Variants in RBFOX1 observed in about 807,000 individuals in gnomAD.
The protein encoded by RBFOX1 is RNA binding fox-1 homolog 1, also known as RNA binding protein fox-1 homolog 1.
Under a neutral mutation model 57.7 loss-of-function variants are expected in RBFOX1, and 8 were observed. The observed-to-expected ratio is 0.14, with a 90% CI of 0.08 to 0.25. The LOEUF is 0.25. RBFOX1 is among the 10% of genes least tolerant of loss of function. The probability of loss-of-function intolerance (pLI) is 1.00; values close to 1 mark genes in which losing one functional copy is unlikely to be tolerated. For synonymous variants in RBFOX1, 326 were observed against 222.4 expected (o/e 1.47, Z -4.15); for missense variants, 611 against 548.5 (o/e 1.11, Z -1.14).
At chr16:7,350,920 A>T (rs377352001) in intron 4 of RBFOX1, among the ~76,000 whole-genome samples, 2 of 152,188 alleles carry the variant, frequency 1.3e-5, no homozygotes, top group East Asian at 3.9e-4. Context: ...AATGCATCCA[A>T]AGGGGTTACA....
At chr16:6,490,430 T>A (rs1399033277) in intron 2 of RBFOX1, among the ~76,000 whole-genome samples, 1 of 152,174 alleles carries the variant, frequency 6.6e-6, no homozygotes, top group Non-Finnish European at 1.5e-5. Flanking sequence ...ATGTCTCACA[T>A]CTCGAATACA....
Position 6,909,046 on chromosome 16 carries a change from A to G in RBFOX1, c.-15-143011A>G, listed in dbSNP as rs548637896. ...AGGTTCTTATTGTTGCTATAACTAA[A>G]TGATCACCAATTTAGGTGTAATTTA... is the stretch of plus-strand genomic sequence containing the variant. On this transcript the variant is annotated intron_variant, in intron 3 of 15. Transcript: ENST00000550418. 5.9e-5 allele frequency among the ~76,000 whole-genome samples: 9 copies of G among 152,292 alleles called. No homozygotes were observed. In the Middle Eastern group the frequency reaches 0.017, roughly 288 times the overall value.
chr16:7,059,158 G>C (rs117235507), intron 4 of RBFOX1, among the ~76,000 whole-genome samples: 1,902 of 152,254 alleles, frequency 0.012, 18 homozygotes, highest in Middle Eastern at 0.024. Flanking sequence ...CAACTGCCTT[G>C]CAATTGAGCT....
intron 4 of RBFOX1, among the ~76,000 whole-genome samples, chr16:7,414,537 C>A (rs79867404): frequency 0.11 from 17,430 of 152,184 alleles, 1,324 homozygotes; most frequent in East Asian, 0.3. Flanking sequence ...GTGTGACTTT[C>A]CAACCAATAT....
chr16:6,296,181 T>A (rs981601073), intron 1 of RBFOX1, among the ~76,000 whole-genome samples: 1 of 152,174 alleles, frequency 6.6e-6, no homozygotes, highest in African/African-American at 2.4e-5. Context: ...TCCATGGATT[T>A]AGTCACTCAC....
chr16:7,189,091 A>G (rs2084661795), intron 4 of RBFOX1, among the ~76,000 whole-genome samples: 1 of 152,062 alleles, frequency 6.6e-6, no homozygotes, highest in Non-Finnish European at 1.5e-5. Context: ...CCTCATAGGA[A>G]GACCTACACT....
intron 3 of RBFOX1, among the ~76,000 whole-genome samples, chr16:5,707,086 A>T (rs905879672): frequency 3.3e-5 from 5 of 152,020 alleles, no homozygotes; most frequent in African/African-American, 1.2e-4. Context: ...CATGAGAAAC[A>T]CCCAGCCAGC....
intron 4 of RBFOX1, among the ~76,000 whole-genome samples, chr16:7,456,684 C>T (rs1236086397): frequency 1.3e-5 from 2 of 152,230 alleles, no homozygotes; most frequent in East Asian, 1.9e-4. Flanking sequence ...AACGGTCTTC[C>T]TGGGATGTTC....
At chr16:5,945,616 T>G (rs1002674108) in intron 4 of RBFOX1, among the ~76,000 whole-genome samples, 2 of 150,670 alleles carry the variant, frequency 1.3e-5, no homozygotes, top group African/African-American at 5.0e-5. Context: ...ACTCCTAGGT[T>G]CACAGAGCCA....
intron 1 of RBFOX1, among the ~76,000 whole-genome samples, chr16:5,322,642 C>T (rs572695709): frequency 1.3e-5 from 2 of 152,150 alleles, no homozygotes; most frequent in Non-Finnish European, 2.9e-5. Context: ...CCCCAGTCTT[C>T]CCCATCCTTC....
chr16:5,895,081 G>C (rs768642750), intron 4 of RBFOX1, among the ~76,000 whole-genome samples: 1 of 136,502 alleles, frequency 7.3e-6, no homozygotes, highest in Non-Finnish European at 1.5e-5. Context: ...TGAACTCTGA[G>C]AGAGAGTGAA....
chr16:5,905,350 A>G (rs1327063546), intron 4 of RBFOX1, among the ~76,000 whole-genome samples: 1 of 151,844 alleles, frequency 6.6e-6, no homozygotes, highest in Non-Finnish European at 1.5e-5. Context: ...GCTGTGACGG[A>G]CCTAACTGGT....
intron 2 of RBFOX1, among the ~76,000 whole-genome samples, chr16:6,507,507 CAAAA>C (rs57685233): frequency 2.1e-5 from 2 of 97,184 alleles, no homozygotes; most frequent in East Asian, 3.3e-4. Context: ...CCTATCTGTA[CAAAA>C]AAAAAAAAAA....
intron 2 of RBFOX1, among the ~76,000 whole-genome samples, chr16:5,507,654 G>A (rs2043424162): frequency 6.6e-6 from 1 of 152,216 alleles, no homozygotes; most frequent in African/African-American, 2.4e-5. Flanking sequence ...CAGTTAAGAT[G>A]AGGTCATACT....
chr16:7,004,038 C>A (rs890952328), intron 3 of RBFOX1: 3 of 149,954 alleles, frequency 2.0e-5, no homozygotes, highest in Non-Finnish European at 4.4e-5. Flanking sequence ...AATTTGCGTG[C>A]CATCTTTGCA....
At chr16:7,693,951 G>C (rs1349268821) in intron 14 of RBFOX1, among the ~76,000 whole-genome samples, 4 of 152,144 alleles carry the variant, frequency 2.6e-5, no homozygotes, top group South Asian at 2.1e-4. Flanking sequence ...CAGGTCTTTT[G>C]GTTTTGAAAC....
intron 3 of RBFOX1, among the ~76,000 whole-genome samples, chr16:6,782,956 C>A (rs1473238002): frequency 6.6e-6 from 1 of 152,148 alleles, no homozygotes; most frequent in East Asian, 1.9e-4. Context: ...TATCCTGTTG[C>A]TGAGTTGACT....
chr16:5,772,088 C>G (rs2053998202), intron 3 of RBFOX1, among the ~76,000 whole-genome samples: 1 of 152,130 alleles, frequency 6.6e-6, no homozygotes, highest in South Asian at 2.1e-4. Flanking sequence ...AGGAGAATCA[C>G]TTGAACCTGG....
chr16:5,589,419 A>T (rs1225647251), intron 2 of RBFOX1, among the ~76,000 whole-genome samples: 1 of 152,122 alleles, frequency 6.6e-6, no homozygotes, highest in Non-Finnish European at 1.5e-5. Context: ...CTCACCCAAA[A>T]ATGAGGATGA....
Sources: gnomAD v4.1 joint callset for allele counts (sites outside exome capture counted in the v4.1 genomes callset) on GRCh38, gnomAD v4.1.1 for gene constraint, MANE v1.5 for transcripts, NCBI Gene and HGNC (gene_info 2026-07-23, HGNC 2026-07-21) for gene names.